KCNN2: variants seen among roughly 807,000 people sequenced by gnomAD.
The protein encoded by KCNN2 is small conductance calcium-activated potassium channel protein 2.
Under a neutral mutation model 55.5 loss-of-function variants are expected in KCNN2, and 24 were observed. The ratio of observed to expected loss-of-function variants is 0.43; its 90% CI spans 0.31 to 0.61. KCNN2 has a LOEUF of 0.61. Ranked by LOEUF, KCNN2 falls within the 20% of genes least tolerant of loss-of-function variation. The pLI is 0.08. For synonymous variants in KCNN2, 431 were observed against 336.1 expected (o/e 1.28, Z -3.09); for missense variants, 754 against 853.6 (o/e 0.88, Z 1.45).
intron 4 of KCNN2, among the ~76,000 whole-genome samples, chr5:114,464,147 C>A (rs552308747): frequency 1.3e-5 from 2 of 152,222 alleles, no homozygotes; most frequent in East Asian, 3.9e-4. Context: ...TAGCCAGGAC[C>A]ACTTTTTTGC....
At chr5:114,257,949 C>T (rs1164387904) in intron 2 of KCNN2, among the ~76,000 whole-genome samples, 1 of 152,152 alleles carries the variant, frequency 6.6e-6, no homozygotes, top group East Asian at 1.9e-4. Context: ...TCCAGCTTTT[C>T]TCCATTCAGT....
chr5:114,240,968 A>G (rs1754606492), intron 2 of KCNN2, among the ~76,000 whole-genome samples: 1 of 152,188 alleles, frequency 6.6e-6, no homozygotes, highest in African/African-American at 2.4e-5. Flanking sequence ...AGATTGCTGA[A>G]TTAAAAATAT....
chr5:114,362,744 G>C lies in KCNN2; in HGVS notation c.605G>C (p.Arg202Pro). 6.5e-7 allele frequency: 1 copy of C among 1,540,926 alleles called. No individual in the cohort carries two copies. Among genetic ancestry groups the C allele is most frequent in the Non-Finnish European group, 8.7e-7 (1 of 1,150,896 alleles). ...AHHQHHQPQA[R>P]RESNPFTEIA... ...CACCAGCACCACCAGCCCCAGGCGCGCCGCGAGAGCAACCCCTTCACCGAA... is the reference window on the plus strand; with the variant it reads ...CACCAGCACCACCAGCCCCAGGCGCCCCGCGAGAGCAACCCCTTCACCGAA... The change falls in exon 1 of 8, where the codon CGC becomes CCC. Residue 202 changes from arginine to proline, a missense_variant. This residue lies in a region of KCNN2 where 381 missense variants were observed against 259.1 expected (regional missense o/e 1.47). Coordinates refer to ENST00000673685, the MANE Select transcript of KCNN2 (RefSeq NM_021614.4).
chr5:114,365,191 A>G (rs1757566046), intron 2 of KCNN2, among the ~76,000 whole-genome samples: 1 of 152,196 alleles, frequency 6.6e-6, no homozygotes, highest in African/African-American at 2.4e-5. Context: ...TTGCCTTTAT[A>G]CTTGTAAAAC....
intron 2 of KCNN2, among the ~76,000 whole-genome samples, chr5:114,226,900 CAAAAAAA>C (rs34719469): frequency 1.2e-5 from 1 of 86,762 alleles, no homozygotes; most frequent in Admixed American, 1.4e-4. Flanking sequence ...GACTCCGTCT[CAAAAAAA>C]AAAAAAAAAA....
intron 1 of KCNN2, among the ~76,000 whole-genome samples, chr5:114,196,620 G>C (rs1753563009): frequency 6.6e-6 from 1 of 151,824 alleles, no homozygotes; most frequent in South Asian, 2.1e-4. Flanking sequence ...TTTCATCTAA[G>C]TTATCTAATT....
At chr5:114,374,714 A>G (rs2150052923) in intron 2 of KCNN2, among the ~76,000 whole-genome samples, 1 of 152,090 alleles carries the variant, frequency 6.6e-6, no homozygotes. Context: ...TGAGTTTTGG[A>G]CTTTGCTTTT....
At position 114,103,250 on chromosome 5, in the gene KCNN2, A is replaced by T. The variant is rs367653085; in HGVS notation, c.-271+46750A>T. On this transcript the variant is annotated intron_variant, in intron 1 of 10. Transcript: ENST00000512097. ...TTGGTTCTCTGTCTGTTATTCGTAT[A>T]TAGGAATGCTTGTGATTTTTGCAAA... is the stretch of plus-strand genomic sequence containing the variant. 9.2e-5 allele frequency among the ~76,000 whole-genome samples: 14 copies of T among 152,244 alleles called. No homozygotes were observed. In the South Asian group the frequency reaches 2.9e-3, roughly 32 times the overall value.
At chr5:114,259,046 G>C (rs534266066) in intron 2 of KCNN2, among the ~76,000 whole-genome samples, 1 of 152,226 alleles carries the variant, frequency 6.6e-6, no homozygotes, top group East Asian at 1.9e-4. Context: ...TAGCTGTCAG[G>C]GGCCCAGCAC....
chr5:114,123,886 T>C (rs1751876800), intron 1 of KCNN2, among the ~76,000 whole-genome samples: 1 of 152,216 alleles, frequency 6.6e-6, no homozygotes, highest in African/African-American at 2.4e-5. Context: ...TTGATGCTCT[T>C]ACTAATTGCA....
intron 2 of KCNN2, among the ~76,000 whole-genome samples, chr5:114,384,596 A>G (rs1580774873): frequency 6.6e-6 from 1 of 152,212 alleles, no homozygotes; most frequent in East Asian, 1.9e-4. Flanking sequence ...GTAGACAGAT[A>G]TTCGACCAAA....
intron 2 of KCNN2, among the ~76,000 whole-genome samples, chr5:114,371,962 T>C (rs1329286590): frequency 2.0e-5 from 3 of 152,198 alleles, no homozygotes; most frequent in Non-Finnish European, 4.4e-5. Flanking sequence ...ACACGTAAAA[T>C]TGTTATTGAA....
At chr5:114,107,514 A>G (rs962291165) in intron 1 of KCNN2, among the ~76,000 whole-genome samples, 1 of 152,018 alleles carries the variant, frequency 6.6e-6, no homozygotes, top group African/African-American at 2.4e-5. Flanking sequence ...CCTCCTGAAT[A>G]GCTGGGACTA....
At chr5:114,173,205 G>A (rs1753071447) in intron 1 of KCNN2, among the ~76,000 whole-genome samples, 1 of 151,958 alleles carries the variant, frequency 6.6e-6, no homozygotes, top group Non-Finnish European at 1.5e-5. Flanking sequence ...CCCAACATAT[G>A]TTGTTGGCAC....
intron 1 of KCNN2, among the ~76,000 whole-genome samples, chr5:114,220,793 T>C (rs1212252220): frequency 6.9e-6 from 1 of 145,478 alleles, no homozygotes; most frequent in African/African-American, 2.6e-5. Context: ...GCCACTGCAC[T>C]CTAGCCTGCC....
intron 2 of KCNN2, among the ~76,000 whole-genome samples, chr5:114,320,530 C>T (rs377381610): frequency 3.3e-5 from 5 of 151,712 alleles, no homozygotes; most frequent in African/African-American, 9.7e-5. Context: ...AGGAGAATGG[C>T]GTGAACCCGG....
At chr5:114,171,457 C>A (rs10519377) in intron 1 of KCNN2, among the ~76,000 whole-genome samples, 16,248 of 151,858 alleles carry the variant, frequency 0.11, 1,064 homozygotes, top group Middle Eastern at 0.24. Context: ...ATGAGTTTTA[C>A]TAATTATTCG....
chr5:114,414,021 T>C (rs1436652412), intron 3 of KCNN2, among the ~76,000 whole-genome samples: 1 of 152,234 alleles, frequency 6.6e-6, no homozygotes, highest in Non-Finnish European at 1.5e-5. Flanking sequence ...ATTTTGTCTT[T>C]AAGGAAATTA....
At chr5:114,461,921 T>C (rs1761221670) in intron 3 of KCNN2, among the ~76,000 whole-genome samples, 1 of 152,172 alleles carries the variant, frequency 6.6e-6, no homozygotes, top group African/African-American at 2.4e-5. Flanking sequence ...CAATTATCAG[T>C]ATATTTTGCA....
Sources: gnomAD v4.1 joint callset for allele counts (sites outside exome capture counted in the v4.1 genomes callset) on GRCh38, gnomAD v4.1.1 for gene constraint, gnomAD v4.1.1 regional missense constraint, MANE v1.5 for transcripts, NCBI Gene and HGNC (gene_info 2026-07-23, HGNC 2026-07-21) for gene names.